The following SNX29 variants were observed in gnomAD, a reference collection of about 807,000 sequenced individuals.
SNX29 encodes sorting nexin 29, also known as sorting nexin-29.
SNX29 carries 78 observed loss-of-function variants against 102.1 expected under a neutral mutation model. The observed-to-expected ratio is 0.76, with a 90% CI of 0.64 to 0.92. The LOEUF (loss-of-function observed/expected upper bound fraction) is 0.92. SNX29 is among the 40% of genes least tolerant of loss of function. The probability of loss-of-function intolerance (pLI) is 0.00; values close to 1 mark genes in which losing one functional copy is unlikely to be tolerated. For missense variants in SNX29, 1,280 were observed against 1,061.7 expected (o/e 1.21, Z -2.86); for synonymous variants, 580 against 414.5 (o/e 1.40, Z -4.85).
chr16:12,199,797 A>G, intron 14 of SNX29, 114 bp downstream of exon 14: 6 of 846,794 alleles, frequency 7.1e-6, no homozygotes, highest in Non-Finnish European at 1.1e-5. Context: ...ATGGATTAGA[A>G]TAATGGTGCT....
intron 15 of SNX29, among the ~76,000 whole-genome samples, chr16:12,347,028 G>A (rs1351774475): frequency 6.6e-6 from 1 of 152,174 alleles, no homozygotes; most frequent in Non-Finnish European, 1.5e-5. Context: ...TGTTTTTAGT[G>A]ATGGGTGTTG....
rs545222549 is a variant in SNX29, at chr16:12,166,481, C to T, written c.1596-33120C>T. 5.9e-5 allele frequency among the ~76,000 whole-genome samples: 9 copies of T among 152,252 alleles called. No homozygotes were observed. The East Asian group carries it at 1.5e-3, about 26-fold the overall frequency. On this transcript the variant is annotated intron_variant, in intron 13 of 20. Coordinates refer to ENST00000566228, the MANE Select transcript of SNX29 (RefSeq NM_032167.5). ...AGGGCTCTCCACTTGGAGGAGCTGG[C>T]GAGCAGGAAGGCGGGGGGCATAGGC...
intron 20 of SNX29, among the ~76,000 whole-genome samples, chr16:12,565,528 G>C (rs941311859): frequency 1.3e-5 from 2 of 152,106 alleles, no homozygotes; most frequent in Non-Finnish European, 2.9e-5. Context: ...TGCTCCACAT[G>C]GCCTCGAGGA....
At chr16:12,483,114 G>GTTTTTTGT (rs2088031350) in intron 19 of SNX29, among the ~76,000 whole-genome samples, 5 of 66,212 alleles carry the variant, frequency 7.6e-5, no homozygotes, top group African/African-American at 2.4e-4. Context: ...AAGTTATTAA[G>GTTTTTTGT]TTTTTTTTTT....
intron 15 of SNX29, among the ~76,000 whole-genome samples, chr16:12,314,286 A>C (rs1171219764): frequency 6.6e-6 from 1 of 152,246 alleles, no homozygotes; most frequent in African/African-American, 2.4e-5. Flanking sequence ...GGCATGAGCC[A>C]CTGTACCCAG....
At chr16:11,987,652 C>T (rs999398438) in intron 1 of SNX29, among the ~76,000 whole-genome samples, 1 of 152,168 alleles carries the variant, frequency 6.6e-6, no homozygotes, top group Non-Finnish European at 1.5e-5. Context: ...GTCTTGGCTT[C>T]CCAAAGTGCT....
chr16:12,435,774 G>C (rs1251398118), intron 18 of SNX29, among the ~76,000 whole-genome samples: 1 of 152,176 alleles, frequency 6.6e-6, no homozygotes. Context: ...TTGCAGCAGA[G>C]CCAGCCACTC....
At chr16:12,547,365 CAGCAAA>C (rs1408440387) in intron 20 of SNX29, among the ~76,000 whole-genome samples, 1 of 152,128 alleles carries the variant, frequency 6.6e-6, no homozygotes, top group Non-Finnish European at 1.5e-5. Context: ...CATGTGGAGT[CAGCAAA>C]GGGTAGAGCT....
intron 1 of SNX29, among the ~76,000 whole-genome samples, chr16:11,990,782 C>T (rs1022020505): frequency 6.6e-6 from 1 of 152,182 alleles, no homozygotes; most frequent in Non-Finnish European, 1.5e-5. Context: ...CGGGCCTGGT[C>T]TACAGCCTGC....
At chr16:12,287,656 TA>T (rs2079642174) in intron 15 of SNX29, among the ~76,000 whole-genome samples, 2 of 152,232 alleles carry the variant, frequency 1.3e-5, no homozygotes, top group African/African-American at 4.8e-5. Flanking sequence ...ACCCTAAAGT[TA>T]GCAGTAATTC....
At chr16:12,247,989 A>G (rs1312806248) in intron 14 of SNX29, among the ~76,000 whole-genome samples, 1 of 152,124 alleles carries the variant, frequency 6.6e-6, no homozygotes, top group Non-Finnish European at 1.5e-5. Context: ...CCTCCACTGC[A>G]GCCCTCCCAC....
intron 13 of SNX29, among the ~76,000 whole-genome samples, chr16:12,192,953 C>T (rs890256699): frequency 2.6e-5 from 4 of 152,252 alleles, no homozygotes; most frequent in South Asian, 4.1e-4. Flanking sequence ...CCACCTGCCT[C>T]GGCCTCCCAA....
chr16:12,269,683 A>G (rs4780418), intron 14 of SNX29, among the ~76,000 whole-genome samples: 95,960 of 152,004 alleles, frequency 0.63, 31,300 homozygotes, highest in African/African-American at 0.78. Context: ...TTGTTAATGC[A>G]TTTCAGATTG....
At chr16:11,979,512 G>T (rs892452164) in intron 1 of SNX29, among the ~76,000 whole-genome samples, 1 of 152,048 alleles carries the variant, frequency 6.6e-6, no homozygotes, top group African/African-American at 2.4e-5. Flanking sequence ...ACTGGTACAC[G>T]ATAAAATAAA....
chr16:12,402,112 A>C (rs2083969396), intron 17 of SNX29, among the ~76,000 whole-genome samples: 3 of 152,250 alleles, frequency 2.0e-5, no homozygotes, highest in Admixed American at 2.0e-4. Flanking sequence ...TAGATACACA[A>C]ACCAGTTTTG....
At chr16:12,561,770 C>T (rs557208768) in intron 20 of SNX29, among the ~76,000 whole-genome samples, 82 of 152,226 alleles carry the variant, frequency 5.4e-4, no homozygotes, top group African/African-American at 1.9e-3. Context: ...AACACCAAAG[C>T]ACATGTCAGG....
At position 12,572,040 on chromosome 16, in the gene SNX29, G is replaced by C; in HGVS notation, c.*3411G>C. 1.9e-6 allele frequency: 2 copies of C among 1,063,532 alleles called. No homozygotes were observed. The highest frequency in any genetic ancestry group is 4.6e-5 in the South Asian group (1 of 21,958). 65.9% of individuals were successfully genotyped at this position (1,063,532 alleles called of 1,614,324 possible). Reference sequence around the variant, plus strand: ...TGGCTATAAAAGGGATCATCCAGTGGAGTTGTAAACAAGGGAACCATCTTG... The same window carrying C: ...TGGCTATAAAAGGGATCATCCAGTGCAGTTGTAAACAAGGGAACCATCTTG... On this transcript the variant is annotated 3_prime_UTR_variant, in exon 21 of 21. Transcript: ENST00000566228.
chr16:12,441,972 G>A (rs2085828133), intron 18 of SNX29, among the ~76,000 whole-genome samples: 1 of 152,044 alleles, frequency 6.6e-6, no homozygotes, highest in Admixed American at 6.6e-5. Context: ...TAGAGATGGG[G>A]CTTCACCTTG....
At position 12,230,840 on chromosome 16, in the gene SNX29, G is replaced by GTATGTATA. The variant is rs1555493157; in HGVS notation, c.1678+31165_1678+31172dup. On this transcript the variant is annotated intron_variant, in intron 14 of 20. Transcript: ENST00000566228. The stretch of plus-strand genomic sequence containing the variant: ...AAGTCGTATGTATGTATGTATGTAT[G>GTATGTATA]TATGTATATATGTATGTACTTACTG... Among the ~76,000 whole-genome samples the GTATGTATA allele has an allele frequency of 2.4e-3, 355 of 150,252 alleles. 6 individuals carry two copies. In the East Asian group the frequency reaches 0.04, roughly 17 times the overall value.
Sources: gnomAD v4.1 joint callset for allele counts (sites outside exome capture counted in the v4.1 genomes callset) on GRCh38, gnomAD v4.1.1 for gene constraint, MANE v1.5 for transcripts, NCBI Gene and HGNC (gene_info 2026-07-23, HGNC 2026-07-21) for gene names.